The following CHERP variants were observed in gnomAD, a reference collection of about 807,000 sequenced individuals.
The protein encoded by CHERP is ERPROT 213-21.
In CHERP, 8 loss-of-function variants were observed where a neutral mutation model predicts 113.8. The observed-to-expected ratio is 0.07, with a 90% CI of 0.04 to 0.13. The LOEUF is 0.13. CHERP is among the 10% of genes least tolerant of loss of function. The pLI is 1.00. For missense variants in CHERP, 884 were observed against 1,298.2 expected, an observed-to-expected ratio of 0.68 and a Z score of 4.90; for synonymous variants, 559 against 524.5, an observed-to-expected ratio of 1.07 and a Z score of -0.90.
At position 16,523,171 on chromosome 19, in the gene CHERP, C is replaced by T. The variant is rs1394470334; in HGVS notation, c.1861G>A (p.Gly621Arg). The change falls in exon 11 of 17, where the codon GGG (glycine) becomes AGG (arginine). Residue 621 changes from glycine (G) to arginine (R), a missense_variant. Gly to Arg is a moderately radical substitution (Grantham distance 125). This residue lies in a region of CHERP where 464 missense variants were observed against 590.1 expected (regional missense o/e 0.79). Transcript: ENST00000546361. The surrounding 1 kb of genome is among the most constrained non-coding windows in gnomAD (Gnocchi z 4.0). ...TGTCGCCGCATGTGTGGGGGCTGCC[C>T]GTTGAAGCCATGGGGGGGAGGGCCG... ...DFGPPPHGFN[G>R]QPPHMRRQGP... The T allele has an allele frequency of 2.6e-6, 4 of 1,568,336 alleles. No individual in the cohort carries two copies. The highest frequency in any genetic ancestry group is 1.2e-5 in the South Asian group (1 of 86,790).
At chr19:16,524,698 G>A (rs1310668530) in intron 10 of CHERP, among the ~76,000 whole-genome samples, 1 of 152,022 alleles carries the variant, frequency 6.6e-6, no homozygotes, top group African/African-American at 2.4e-5. Flanking sequence ...AAGTAGCCTG[G>A]CCAACATAGC....
At chr19:16,521,320 G>C (rs1178956871) in intron 12 of CHERP, 5 of 583,186 alleles carry the variant, frequency 8.6e-6, no homozygotes, top group Non-Finnish European at 1.5e-5. Flanking sequence ...AACTTCTTCT[G>C]ATGTGTCTCC....
intron 8 of CHERP, among the ~76,000 whole-genome samples, chr19:16,529,297 C>T (rs762913914): frequency 5.3e-5 from 8 of 152,326 alleles, no homozygotes; most frequent in Non-Finnish European, 8.8e-5. Context: ...GGATTACAAG[C>T]GTAAGCCACC....
chr19:16,532,385 T>C lies in CHERP; in HGVS notation c.674+213A>G, dbSNP rs1415679984. On this transcript the variant is annotated intron_variant, in intron 5 of 16. Coordinates refer to ENST00000546361, the MANE Select transcript of CHERP (RefSeq NM_006387.6). This position sits in a 1 kb window ranked among gnomAD's most constrained non-coding sequence, Gnocchi z 4.4. The stretch of plus-strand genomic sequence containing the variant: ...GGGGTCTAGGGGAGAGGACAGGGCA[T>C]GCAGCGAAGGTGCACAGGACACCTA... 2 of 577,320 alleles carry C rather than the reference T, an allele frequency of 3.5e-6. No homozygotes were observed. The highest frequency in any genetic ancestry group is 3.0e-5 in the East Asian group (1 of 33,854). 35.8% of individuals were successfully genotyped at this position (577,320 alleles called of 1,614,324 possible).
rs920792376 is a variant in CHERP at position 16,519,345 on chromosome 19, G to A, written c.2565C>T (p.Ser855=). Residue 855 remains serine, a synonymous_variant, in exon 17 of 17, where the codon AGC becomes AGT. Coordinates refer to ENST00000546361, the MANE Select transcript of CHERP (RefSeq NM_006387.6). This position sits in a 1 kb window ranked among gnomAD's most constrained non-coding sequence, Gnocchi z 6.0. ...GHQMLVKMGW[S]GSGGLGAKEQ... is the part of the protein sequence containing the mutation. ...CCTTCGCACCGAGGCCGCCTGAGCC[G>A]CTCCAGCCTGGAAACAGAGACGCAG... The A allele has an allele frequency of 4.0e-5, 65 of 1,610,286 alleles. 1 individual carries two copies. The East Asian group carries it at 1.3e-3, about 33-fold the overall frequency.
In CHERP at chr19:16,535,235, T is replaced by C. The variant is rs2085733119; in HGVS notation, c.384+217A>G. On this transcript the variant is annotated intron_variant, in intron 3 of 16. Transcript: ENST00000546361. This position sits in a 1 kb window ranked among gnomAD's most constrained non-coding sequence, Gnocchi z 4.3. The stretch of plus-strand genomic sequence containing the variant: ...CTCAGGGGGGTCCACCCCAGGGTGA[T>C]GGGTGCACGCACGTCCAGTGGCTTC... Among the ~76,000 whole-genome samples the C allele has an allele frequency of 6.6e-6, 1 of 152,192 alleles. No individual in the cohort carries two copies. Among genetic ancestry groups the C allele is most frequent in the Non-Finnish European group, 1.5e-5 (1 of 68,016 alleles).
In CHERP at chr19:16,530,740, G is replaced by A; in HGVS notation, c.786+29C>T. The A allele has an allele frequency of 6.2e-7, 1 of 1,614,022 alleles. No homozygotes were observed. Among genetic ancestry groups the A allele is most frequent in the East Asian group, 2.2e-5 (1 of 44,876 alleles). ...GGAAAGGCCTGTGTGTCCCGGTCTT[G>A]CCCAACCCCCGGCCCGGGGCCCACG... On this transcript the variant is annotated intron_variant, in intron 6 of 16. Transcript: ENST00000546361. This position sits in a 1 kb window ranked among gnomAD's most constrained non-coding sequence, Gnocchi z 4.1.
intron 2 of CHERP, among the ~76,000 whole-genome samples, chr19:16,537,299 C>T (rs2085747549): frequency 2.6e-5 from 4 of 151,898 alleles, no homozygotes; most frequent in Admixed American, 2.0e-4. Context: ...CCCCCTTTAC[C>T]AACCCCTCTC....
chr19:16,535,615 G>T lies in CHERP; in HGVS notation c.221C>A (p.Pro74Gln). 6.5e-7 allele frequency: 1 copy of T among 1,530,548 alleles called. No homozygotes were observed. The allele number at this position is 1,530,548 out of a possible 1,614,324, so 94.8% of individuals were successfully genotyped here. Residue 74 changes from proline (P) to glutamine (Q), a missense_variant, in exon 3 of 17, where the codon CCG becomes CAG. Pro to Gln is a moderately conservative substitution (Grantham distance 76). Transcript: ENST00000546361. This position sits in a 1 kb window ranked among gnomAD's most constrained non-coding sequence, Gnocchi z 4.3. Reference sequence around the variant, plus strand: ...CATGGTGGCGGCTGGCTCCAGCTCCGGGGTCTGCTGCTTGCAGATGACTGG... The same window carrying T: ...CATGGTGGCGGCTGGCTCCAGCTCCTGGGTCTGCTGCTTGCAGATGACTGG... Reference protein sequence around the residue: ...QQQLICKQQTPELEPAATMPP... With the variant: ...QQQLICKQQTQELEPAATMPP...
intron 9 of CHERP, chr19:16,526,163 C>T (rs1284251597): frequency 1.3e-5 from 2 of 159,914 alleles, no homozygotes; most frequent in Non-Finnish European, 2.7e-5. Context: ...CACTGCGGCA[C>T]ACACATCCTT....
chr19:16,521,712 C>G (rs759507094), intron 11 of CHERP, 58 bp from the exon 12 acceptor site: 2 of 1,477,762 alleles, frequency 1.4e-6, no homozygotes, highest in Non-Finnish European at 9.0e-7. Flanking sequence ...CAGGCCCACC[C>G]AGGGTCTGCA....
In CHERP at chr19:16,519,767, G is replaced by C. The variant is rs533314227; in HGVS notation, c.2463-52C>G. ...TAAGAAGTAACTGAGACATTTATTG[G>C]AATGACAGTGATGAGGACCTCACAG... On this transcript the variant is annotated intron_variant, in intron 15 of 16. Transcript: ENST00000546361. This position sits in a 1 kb window ranked among gnomAD's most constrained non-coding sequence, Gnocchi z 6.0. 3.3e-5 allele frequency: 49 copies of C among 1,464,468 alleles called. No homozygotes were observed. The East Asian group carries it at 1.0e-3, about 31-fold the overall frequency. 90.7% of individuals were successfully genotyped at this position (1,464,468 alleles called of 1,614,324 possible). A position where few individuals can be genotyped will look rare whatever the true frequency, so the allele number is the denominator to read the frequency against.
chr19:16,530,455 C>A lies in CHERP; in HGVS notation c.876+130G>T. The A allele has an allele frequency of 3.6e-6, 3 of 822,142 alleles. No individual in the cohort carries two copies. Among genetic ancestry groups the A allele is most frequent in the African/African-American group, 1.7e-5 (1 of 59,736 alleles). The allele number at this position is 822,142 out of a possible 1,614,324, so 50.9% of individuals were successfully genotyped here. A position where few individuals can be genotyped will look rare whatever the true frequency, so the allele number is the denominator to read the frequency against. On this transcript the variant is annotated intron_variant, in intron 7 of 16. Coordinates refer to ENST00000546361, the MANE Select transcript of CHERP (RefSeq NM_006387.6). The surrounding 1 kb of genome is among the most constrained non-coding windows in gnomAD (Gnocchi z 4.1). ...CTCTCTGGTCAACACACACTGGCTA[C>A]TCCTAGCACAGGCAGGGGACATGGG...
rs1006876219 is a variant in CHERP, at chr19:16,525,622, G to T, written c.1361C>A (p.Pro454His). The change falls in exon 10 of 17, where the codon CCC (proline) becomes CAC (histidine). Residue 454 changes from proline to histidine, a missense_variant. Physicochemically the swap from Pro to His is moderately conservative, Grantham distance 77. Coordinates refer to ENST00000546361, the MANE Select transcript of CHERP (RefSeq NM_006387.6). The surrounding 1 kb of genome is among the most constrained non-coding windows in gnomAD (Gnocchi z 6.5). The part of the protein sequence containing the change: ...HHQGGPPHCP[P>H]WNNSHEGMWG... ...CATGCCCTCATGGCTGTTGTTCCAG[G>T]GGGGGCAGTGGGGTGGGCCGCCCTG... 3.3e-6 allele frequency: 5 copies of T among 1,531,670 alleles called. No individual in the cohort carries two copies. The highest frequency in any genetic ancestry group is 2.5e-5 in the East Asian group (1 of 40,640). The allele number at this position is 1,531,670 out of a possible 1,614,324, so 94.9% of individuals were successfully genotyped here.
intron 9 of CHERP, among the ~76,000 whole-genome samples, chr19:16,527,566 G>A (rs916606468): frequency 1.3e-5 from 2 of 152,354 alleles, no homozygotes; most frequent in African/African-American, 4.8e-5. Flanking sequence ...GCACGCTGCA[G>A]GGCATTTCAC....
chr19:16,533,645 A>G (rs561243441), intron 3 of CHERP, among the ~76,000 whole-genome samples: 17 of 152,202 alleles, frequency 1.1e-4, no homozygotes, highest in African/African-American at 3.6e-4. Context: ...CTGTGTTCCC[A>G]ACTACTTGGG....
chr19:16,531,471 C>T (rs1334515808), intron 5 of CHERP, among the ~76,000 whole-genome samples: 1 of 152,128 alleles, frequency 6.6e-6, no homozygotes, highest in South Asian at 2.1e-4. Flanking sequence ...CCTGGGAGGC[C>T]CCTGCCGCTG....
In CHERP at chr19:16,519,988, G is replaced by A. The variant is rs952380062; in HGVS notation, c.2462+161C>T. 15 of 790,346 alleles carry A rather than the reference G, an allele frequency of 1.9e-5. No homozygotes were observed. Among genetic ancestry groups the A allele is most frequent in the African/African-American group, 1.4e-4 (8 of 57,902 alleles). The allele number at this position is 790,346 out of a possible 1,614,324, so 49.0% of individuals were successfully genotyped here. A position where few individuals can be genotyped will look rare whatever the true frequency, so the allele number is the denominator to read the frequency against. On this transcript the variant is annotated intron_variant, in intron 15 of 16. Transcript: ENST00000546361. The surrounding 1 kb of genome is among the most constrained non-coding windows in gnomAD (Gnocchi z 6.0). ...GACCCCAGTTACTGCCTCAGGCTTC[G>A]CCAAGTGGCTACTGTGGTGAAGGGT...
chr19:16,521,489 TC>T (rs1568504664), intron 12 of CHERP, 31 bp downstream of exon 12: 1 of 1,525,232 alleles, frequency 6.6e-7, no homozygotes, highest in East Asian at 2.4e-5. Flanking sequence ...GACAGAGGCC[TC>T]CCGCCCACCC....
Sources: gnomAD v4.1 joint callset for allele counts (sites outside exome capture counted in the v4.1 genomes callset) on GRCh38, gnomAD v4.1.1 for gene constraint, gnomAD v4.1.1 regional missense constraint, Gnocchi (gnomAD v3.1) non-coding constraint, MANE v1.5 for transcripts, NCBI Gene and HGNC (gene_info 2026-07-23, HGNC 2026-07-21) for gene names.